Variants in MTA1 observed in about 807,000 individuals in gnomAD.
The protein encoded by MTA1 is metastasis associated 1, also known as metastasis-associated protein MTA1.
A neutral mutation model predicts 97.0 loss-of-function variants in MTA1; 15 were observed. The ratio of observed to expected loss-of-function variants is 0.15; its 90% CI spans 0.10 to 0.24. The LOEUF (loss-of-function observed/expected upper bound fraction) is 0.24, where lower values mean the gene tolerates loss of function less well. MTA1 is among the 10% of genes least tolerant of loss of function. MTA1 has a pLI of 1.00. For synonymous variants in MTA1, 435 were observed against 417.5 expected, an observed-to-expected ratio of 1.04 and a Z score of -0.51; for missense variants, 709 against 1,015.1, an observed-to-expected ratio of 0.70 and a Z score of 4.10.
chr14:105,448,820 G>A (rs1418598227), intron 3 of MTA1, among the ~76,000 whole-genome samples: 3 of 152,268 alleles, frequency 2.0e-5, no homozygotes, highest in Non-Finnish European at 2.9e-5. Flanking sequence ...CGCAGAGAGC[G>A]AGCAGCCCGG....
intron 4 of MTA1, among the ~76,000 whole-genome samples, chr14:105,449,848 G>A (rs1212917349): frequency 1.3e-5 from 2 of 152,186 alleles, no homozygotes; most frequent in Non-Finnish European, 2.9e-5. Flanking sequence ...TAAAGGGCAC[G>A]TGGGCACCAG....
intron 1 of MTA1, among the ~76,000 whole-genome samples, chr14:105,433,345 G>A (rs1031993376): frequency 5.3e-5 from 8 of 152,158 alleles, no homozygotes; most frequent in African/African-American, 9.7e-5. Context: ...GGCTGCCCTC[G>A]GTCCCTCCGT....
chr14:105,449,235 A>T (rs781946057), intron 3 of MTA1, 124 bp from the exon 4 acceptor site: 6 of 900,514 alleles, frequency 6.7e-6, no homozygotes, highest in Non-Finnish European at 9.7e-6. Flanking sequence ...CCCCACCGGG[A>T]GGCCTGCGGC....
At chr14:105,445,303 G>C (rs587718532) in intron 2 of MTA1, 115 bp from the exon 3 acceptor site, 1 of 864,646 alleles carries the variant, frequency 1.2e-6, no homozygotes, top group Admixed American at 2.2e-5. Context: ...CCGAGGGGTG[G>C]TGTGGTTACA....
chr14:105,463,334 G>C lies in MTA1; in HGVS notation c.1017+76G>C. On this transcript the variant is annotated intron_variant, in intron 11 of 20. Coordinates refer to ENST00000331320, the MANE Select transcript of MTA1 (RefSeq NM_004689.4). The surrounding 1 kb of genome is among the most constrained non-coding windows in gnomAD (Gnocchi z 5.9). ...CGCCCCATCCTCTCCCAGCAGGTGG[G>C]CGTGCACTGCTGCAGCAGGAGGGGA... The C allele has an allele frequency of 1.9e-6, 3 of 1,549,996 alleles. No homozygotes were observed. The highest frequency in any genetic ancestry group is 2.7e-6 in the Non-Finnish European group (3 of 1,125,378).
chr14:105,422,416 C>CGG lies in MTA1; in HGVS notation c.28+2354_28+2355dup, dbSNP rs2081873258. On this transcript the variant is annotated intron_variant, in intron 1 of 20. Transcript: ENST00000331320. This position sits in a 1 kb window ranked among gnomAD's most constrained non-coding sequence, Gnocchi z 4.3. ...TGAGCAGCCTTTGTCCGTCTGTCGCCGGCTGCCTGGCACGGGCTCCATCTG... is the reference window on the plus strand; with the variant it reads ...TGAGCAGCCTTTGTCCGTCTGTCGCCGGGGCTGCCTGGCACGGGCTCCATCTG... 1.3e-5 allele frequency among the ~76,000 whole-genome samples: 2 copies of CGG among 152,090 alleles called. No homozygotes were observed. The highest frequency in any genetic ancestry group is 2.9e-5 in the Non-Finnish European group (2 of 68,024).
At chr14:105,444,968 C>T (rs1022719414) in intron 2 of MTA1, among the ~76,000 whole-genome samples, 7 of 152,320 alleles carry the variant, frequency 4.6e-5, no homozygotes, top group East Asian at 1.9e-4. Context: ...GTCAGCCAGG[C>T]CAGGTGGGAG....
intron 18 of MTA1, chr14:105,468,376 G>T (rs1555433426): frequency 7.7e-7 from 1 of 1,303,992 alleles, no homozygotes; most frequent in Non-Finnish European, 1.0e-6. Context: ...CTACTGGCCA[G>T]CCCTGGGCGC....
chr14:105,458,903 G>T (rs587744666), intron 8 of MTA1, among the ~76,000 whole-genome samples: 16 of 152,332 alleles, frequency 1.1e-4, no homozygotes, highest in African/African-American at 3.6e-4. Flanking sequence ...CTACTCCGCA[G>T]CCTGGGGCCC....
At chr14:105,440,423 G>A (rs1392646150) in intron 2 of MTA1, among the ~76,000 whole-genome samples, 4 of 152,256 alleles carry the variant, frequency 2.6e-5, no homozygotes, top group African/African-American at 7.2e-5. Flanking sequence ...CAGGCAACCC[G>A]GGGCGGGAGG....
intron 16 of MTA1, chr14:105,465,434 G>A (rs900576349): frequency 1.3e-4 from 44 of 344,324 alleles, no homozygotes; most frequent in African/African-American, 8.0e-4. Context: ...TGTCTTCTGC[G>A]GGGCCAGCCT....
chr14:105,466,619 C>T, intron 17 of MTA1, 41 bp downstream of exon 17: 1 of 1,569,350 alleles, frequency 6.4e-7, no homozygotes, highest in Admixed American at 1.8e-5. Context: ...CCCTCCCCGC[C>T]CGGTGAGTCC....
chr14:105,452,005 T>C (rs1273240786), intron 6 of MTA1, among the ~76,000 whole-genome samples: 2 of 152,188 alleles, frequency 1.3e-5, no homozygotes, highest in African/African-American at 4.8e-5. Context: ...TTAGCCGGGC[T>C]GGTCTCAAAC....
intron 18 of MTA1, chr14:105,467,155 G>A (rs1408767542): frequency 8.2e-6 from 3 of 366,366 alleles, no homozygotes; most frequent in African/African-American, 2.1e-5. Context: ...GTGGGCCGTG[G>A]GCAACTGAGC....
intron 8 of MTA1, among the ~76,000 whole-genome samples, chr14:105,459,942 T>G (rs782469879): frequency 4.1e-4 from 14 of 34,084 alleles, no homozygotes; most frequent in African/African-American, 7.7e-4. Context: ...CCTGGGGAGC[T>G]GTGTGCCTGG....
chr14:105,451,101 T>G (rs1033233440), intron 6 of MTA1, among the ~76,000 whole-genome samples: 4 of 152,124 alleles, frequency 2.6e-5, no homozygotes, highest in African/African-American at 9.7e-5. Flanking sequence ...CCCCAGCGTG[T>G]CCAGTCAGCT....
intron 2 of MTA1, 76 bp from the exon 3 acceptor site, chr14:105,445,342 C>A: frequency 1.4e-6 from 2 of 1,393,428 alleles, no homozygotes; most frequent in South Asian, 1.2e-5. Context: ...CAGGGTCCGG[C>A]CTTGGAGCCC....
intron 13 of MTA1, 132 bp downstream of exon 13, chr14:105,464,279 G>C (rs1489758855): frequency 1.4e-6 from 2 of 1,407,882 alleles, no homozygotes; most frequent in East Asian, 2.4e-5. Flanking sequence ...CGTCCCAGGG[G>C]TGTGGTTGGG....
At chr14:105,438,581 C>T (rs782763594) in intron 1 of MTA1, 91 bp from the exon 2 acceptor site, 7 of 1,138,846 alleles carry the variant, frequency 6.1e-6, no homozygotes, top group Middle Eastern at 2.5e-4. Context: ...GACACTGCCC[C>T]GCCTGAGCCC....
Sources: gnomAD v4.1 joint callset for allele counts (sites outside exome capture counted in the v4.1 genomes callset) on GRCh38, gnomAD v4.1.1 for gene constraint, Gnocchi (gnomAD v3.1) non-coding constraint, MANE v1.5 for transcripts, NCBI Gene and HGNC (gene_info 2026-07-23, HGNC 2026-07-21) for gene names.